Variants in ANOS1 observed in about 807,000 individuals in gnomAD.
ANOS1 encodes anosmin-1.
In ANOS1, 6 loss-of-function variants were observed where a neutral mutation model predicts 59.0. The ratio of observed to expected loss-of-function variants is 0.10; its 90% confidence interval spans 0.06 to 0.20. The LOEUF (loss-of-function observed/expected upper bound fraction) is 0.20. Among genes scored for constraint, ANOS1 ranks in the 10% least tolerant of loss-of-function variants. The pLI is 1.00. For synonymous variants in ANOS1, 217 were observed against 223.4 expected (o/e 0.97, Z 0.25); for missense variants, 433 against 542.3 (o/e 0.80, Z 2.00).
rs193016356 is a variant in ANOS1, at chrX:8,646,126, G to A, written c.256-22456C>T. Reference sequence around the variant, plus strand: ...TTCTTTTAGGTTAATAATAAAGAGCGAAAGGAAAGATGGTGAGTCTAGCAA... The same window carrying A: ...TTCTTTTAGGTTAATAATAAAGAGCAAAAGGAAAGATGGTGAGTCTAGCAA... On this transcript the variant is annotated intron_variant, in intron 2 of 13. Coordinates refer to ENST00000262648, the MANE Select transcript of ANOS1 (RefSeq NM_000216.4). 2.6e-4 allele frequency among the ~76,000 whole-genome samples: 29 copies of A among 112,125 alleles called. No individual in the cohort carries two copies. In the East Asian group the frequency reaches 5.9e-3, roughly 23 times the overall value.
At chrX:8,585,793 CT>C (rs1294184561) in intron 5 of ANOS1, among the ~76,000 whole-genome samples, 1 of 111,969 alleles carries the variant, frequency 8.9e-6, no homozygotes, top group Non-Finnish European at 1.9e-5. Context: ...CCAAATATAA[CT>C]GTAAAATAGG....
intron 5 of ANOS1, 79 bp from the exon 6 acceptor site, chrX:8,585,475 A>G (rs1332463775): frequency 1.8e-6 from 2 of 1,084,996 alleles, no homozygotes; most frequent in East Asian, 6.0e-5. Flanking sequence ...TTAGAAAAAT[A>G]CACTAACCCA....
intron 3 of ANOS1, 69 bp from the exon 4 acceptor site, chrX:8,597,325 G>T: frequency 1.1e-6 from 1 of 933,646 alleles, no homozygotes; most frequent in Non-Finnish European, 1.5e-6. Flanking sequence ...CAAGACATCT[G>T]AAAGGAAGTT....
At chrX:8,671,592 T>C (rs1178336671) in intron 2 of ANOS1, among the ~76,000 whole-genome samples, 1 of 101,227 alleles carries the variant, frequency 9.9e-6, no homozygotes, top group African/African-American at 4.1e-5. Flanking sequence ...TATGAGTATA[T>C]ATATATATAT....
chrX:8,657,141 G>A (rs1304331661), intron 2 of ANOS1, among the ~76,000 whole-genome samples: 2 of 112,709 alleles, frequency 1.8e-5, no homozygotes, highest in Non-Finnish European at 3.8e-5. Flanking sequence ...TGAAGCCTCA[G>A]TAAAAACTCT....
At chrX:8,558,292 G>C (rs926269249) in intron 8 of ANOS1, among the ~76,000 whole-genome samples, 16 of 110,924 alleles carry the variant, frequency 1.4e-4, no homozygotes, top group South Asian at 3.8e-4. Context: ...TGCATGTTCT[G>C]CACATGTATC....
chrX:8,725,567 TATACATATATACAGATA>T (rs1932906123), intron 1 of ANOS1, among the ~76,000 whole-genome samples: 2 of 70,845 alleles, frequency 2.8e-5, no homozygotes, highest in South Asian at 5.5e-4. Context: ...TATATACAGA[TATACATATATACAGATA>T]TATATATACA....
intron 7 of ANOS1, among the ~76,000 whole-genome samples, chrX:8,568,913 G>C (rs1930169341): frequency 9.0e-6 from 1 of 111,640 alleles, no homozygotes. Flanking sequence ...ATTGGTCTCA[G>C]ATACCATGGA....
At chrX:8,544,797 TG>T (rs1172153775) in intron 9 of ANOS1, among the ~76,000 whole-genome samples, 1 of 110,030 alleles carries the variant, frequency 9.1e-6, no homozygotes, top group Non-Finnish European at 1.9e-5. Flanking sequence ...CCAGGCACTG[TG>T]GGTCACGCCT....
At position 8,711,753 on chromosome X, in the gene ANOS1, A is replaced by G. The variant is rs751142076; in HGVS notation, c.208-12008T>C. Among the ~76,000 whole-genome samples, 3 of 112,897 alleles carry G rather than the reference A, an allele frequency of 2.7e-5. No individual in the cohort carries two copies. The East Asian group carries it at 8.4e-4, about 32-fold the overall frequency. On this transcript the variant is annotated intron_variant, in intron 1 of 13. Coordinates refer to ENST00000262648, the MANE Select transcript of ANOS1 (RefSeq NM_000216.4). ...AGAAGTCAGAATTCTAAAATCCCTC[A>G]GTAAGTTTTGATACAACAGTAAAGA...
At position 8,690,231 on chromosome X, in the gene ANOS1, C is replaced by T. The variant is rs143659661; in HGVS notation, c.255+9467G>A. Among the ~76,000 whole-genome samples, 745 of 112,180 alleles carry T rather than the reference C, an allele frequency of 6.6e-3. 8 individuals carry two copies. Among genetic ancestry groups the T allele is most frequent in the African/African-American group, 0.023 (706 of 30,927 alleles). ...CTTGAGACATTTTCTGCACAAATCT[C>T]TCTCTTTGAATTACACAAGCCTGCA... On this transcript the variant is annotated intron_variant, in intron 2 of 13. Transcript: ENST00000262648.
chrX:8,700,618 C>A (rs1932748025), intron 1 of ANOS1, among the ~76,000 whole-genome samples: 1 of 112,296 alleles, frequency 8.9e-6, no homozygotes, highest in Non-Finnish European at 1.9e-5. Flanking sequence ...ATCCCCATGC[C>A]TCAGTTTATC....
intron 2 of ANOS1, among the ~76,000 whole-genome samples, chrX:8,665,594 C>T (rs1443569026): frequency 8.9e-6 from 1 of 112,118 alleles, no homozygotes; most frequent in Non-Finnish European, 1.9e-5. Context: ...CTCATAAAGA[C>T]AATTGTTGAA....
intron 10 of ANOS1, among the ~76,000 whole-genome samples, chrX:8,537,712 C>T: frequency 9.2e-6 from 1 of 109,024 alleles, no homozygotes; most frequent in Non-Finnish European, 1.9e-5. Flanking sequence ...GAGTTTGTGA[C>T]CAGCTTGGTC....
intron 3 of ANOS1, among the ~76,000 whole-genome samples, chrX:8,606,559 G>A (rs2190558): frequency 1.8e-5 from 2 of 110,863 alleles, no homozygotes; most frequent in Non-Finnish European, 3.8e-5. Flanking sequence ...ATTTTGGGGT[G>A]TCTTTGTCTT....
intron 1 of ANOS1, among the ~76,000 whole-genome samples, chrX:8,719,815 CA>C (rs778703188): frequency 1.6e-4 from 16 of 101,667 alleles, no homozygotes; most frequent in African/African-American, 2.1e-4. Flanking sequence ...ACTTGAAAAG[CA>C]AAAAAAAAAC....
At chrX:8,539,866 C>A in intron 9 of ANOS1, 108 bp from the exon 10 acceptor site, 1 of 1,042,288 alleles carries the variant, frequency 9.6e-7, no homozygotes, top group South Asian at 2.1e-5. Flanking sequence ...TGAAACTCTA[C>A]AGGTGACCAA....
At chrX:8,615,550 A>T (rs1601980522) in intron 3 of ANOS1, among the ~76,000 whole-genome samples, 2 of 97,774 alleles carry the variant, frequency 2.0e-5, no homozygotes, top group East Asian at 3.2e-4. Context: ...CTCAAAAAAA[A>T]AAAAAAAAAG....
chrX:8,606,525 C>A (rs1291655635), intron 3 of ANOS1, among the ~76,000 whole-genome samples: 1 of 112,096 alleles, frequency 8.9e-6, no homozygotes, highest in Non-Finnish European at 1.9e-5. Flanking sequence ...CACATAATAT[C>A]TTTTATAATC....
Sources: gnomAD v4.1 joint callset for allele counts (sites outside exome capture counted in the v4.1 genomes callset) on GRCh38, gnomAD v4.1.1 for gene constraint, MANE v1.5 for transcripts, NCBI Gene and HGNC (gene_info 2026-07-23, HGNC 2026-07-21) for gene names.